DNAH7: variants seen among roughly 807,000 people sequenced by gnomAD.
DNAH7 encodes the protein axonemal beta dynein heavy chain 7.
In DNAH7, 397 loss-of-function variants were observed where a neutral mutation model predicts 444.6. The observed-to-expected ratio is 0.89, with a 90% CI of 0.82 to 0.97. The LOEUF (loss-of-function observed/expected upper bound fraction) is 0.97, where lower values mean the gene tolerates loss of function less well. Ranked by LOEUF, DNAH7 falls within the 50% of genes least tolerant of loss-of-function variation. The pLI is 0.00. For missense variants in DNAH7, 4,902 were observed against 4,800.8 expected (o/e 1.02, Z -0.62); for synonymous variants, 1,636 against 1,624.4 (o/e 1.01, Z -0.17).
chr2:195,764,788 T>G, intron 61 of DNAH7, among the ~76,000 whole-genome samples: 1 of 151,992 alleles, frequency 6.6e-6, no homozygotes, highest in East Asian at 1.9e-4. Context: ...AGAATCAATA[T>G]TGTTAAAATG....
intron 57 of DNAH7, among the ~76,000 whole-genome samples, chr2:195,789,557 C>G (rs528562343): frequency 6.6e-6 from 1 of 152,112 alleles, no homozygotes; most frequent in South Asian, 2.1e-4. Flanking sequence ...AAGTATCTCC[C>G]CCACAGACTG....
chr2:195,852,890 G>GTA (rs1559146153), intron 46 of DNAH7, among the ~76,000 whole-genome samples: 1 of 113,854 alleles, frequency 8.8e-6, no homozygotes, highest in Non-Finnish European at 1.7e-5. Context: ...AGCTGATGAA[G>GTA]TACACACACA....
intron 63 of DNAH7, among the ~76,000 whole-genome samples, chr2:195,747,944 T>C: frequency 6.6e-6 from 1 of 152,188 alleles, no homozygotes; most frequent in Non-Finnish European, 1.5e-5. Context: ...ATGCCCTCTC[T>C]CACCACTCGT....
At chr2:195,976,782 A>AGAGAGAGAGG (rs1271798254) in intron 15 of DNAH7, among the ~76,000 whole-genome samples, 2 of 146,600 alleles carry the variant, frequency 1.4e-5, no homozygotes, top group Non-Finnish European at 1.5e-5. Context: ...AGAGAGAGAG[A>AGAGAGAGAGG]GAGAGACTCT....
intron 17 of DNAH7, among the ~76,000 whole-genome samples, chr2:195,964,710 C>CAA (rs60376875): frequency 0.059 from 7,507 of 127,334 alleles, 283 homozygotes; most frequent in East Asian, 0.16. Context: ...ACTAAAAATA[C>CAA]AAAAAAAAAA....
At position 195,922,158 on chromosome 2, in the gene DNAH7, G is replaced by A. The variant is rs1278736038; in HGVS notation, c.3865C>T (p.Arg1289Ter). The change falls in exon 24 of 65, where the codon CGA becomes TGA. Residue 1289 changes from arginine (R) to a stop codon, truncating the protein, a stop_gained. Transcript: ENST00000312428. LOFTEE classifies it high-confidence loss of function. ...LETKMINAGL[R>*]YGYEYLGNSP... is the part of the protein sequence containing the mutation. ...TTACCCAGATATTCATATCCATATC[G>A]CAAACCAGCATTGATCATTTTTGTT... 5.0e-6 allele frequency: 8 copies of A among 1,612,578 alleles called. No individual in the cohort carries two copies. Among genetic ancestry groups the A allele is most frequent in the East Asian group, 2.2e-5 (1 of 44,826 alleles).
At chr2:195,759,052 C>T (rs1694218184) in intron 61 of DNAH7, among the ~76,000 whole-genome samples, 1 of 152,204 alleles carries the variant, frequency 6.6e-6, no homozygotes, top group South Asian at 2.1e-4. Context: ...AGTGAGACAC[C>T]TGCCAGGGTG....
At position 195,857,515 on chromosome 2, in the gene DNAH7, T is replaced by C. The variant is rs547666456; in HGVS notation, c.8276A>G (p.Asn2759Ser). ...LQSLHEYDKDNIPPAYMNIIR... is the reference protein window; with the variant it reads ...LQSLHEYDKDSIPPAYMNIIR... ...GATATTCATATAAGCTGGAGGAATA[T>C]TGTCCTTGTCATATTCATGAAGTGA... Residue 2759 changes from asparagine (N) to serine (S), a missense_variant, in exon 44 of 65, where the codon AAT becomes AGT. Transcript: ENST00000312428. The C allele has an allele frequency of 1.3e-4, 203 of 1,614,002 alleles. No homozygotes were observed. Among genetic ancestry groups the C allele is most frequent in the South Asian group, 4.7e-4 (43 of 91,054 alleles).
intron 5 of DNAH7, 38 bp downstream of exon 5, chr2:196,047,314 A>G: frequency 6.7e-7 from 1 of 1,486,490 alleles, no homozygotes; most frequent in Non-Finnish European, 9.0e-7. Flanking sequence ...AGGGGCTCTA[A>G]CATGGGTAAC....
intron 27 of DNAH7, chr2:195,902,198 C>A (rs192380547): frequency 6.6e-6 from 1 of 151,894 alleles, no homozygotes; most frequent in Non-Finnish European, 1.5e-5. Context: ...GAGAACAATT[C>A]GAAGATTTGT....
chr2:195,960,866 C>A lies in DNAH7; in HGVS notation c.2285G>T (p.Gly762Val). 1 of 1,613,968 alleles carries A rather than the reference C, an allele frequency of 6.2e-7. No individual in the cohort carries two copies. The highest frequency in any genetic ancestry group is 1.1e-5 in the South Asian group (1 of 91,054). ...ATAAAGACGAAGATAAGGGTTCAAG[C>A]CATCTTGGATTTTTTTACGTTGAGG... ...VYPQRKKIQD[G>V]LNPYLRLYET... The change falls in exon 18 of 65, where the codon GGC becomes GTC. Residue 762 changes from glycine to valine, a missense_variant. Gly to Val is a moderately radical substitution (Grantham distance 109, BLOSUM62 -3). Coordinates refer to ENST00000312428, the MANE Select transcript of DNAH7 (RefSeq NM_018897.3).
At chr2:195,889,002 CAG>C in intron 31 of DNAH7, 21 bp from the exon 32 acceptor site, 1 of 1,591,128 alleles carries the variant, frequency 6.3e-7, no homozygotes, top group South Asian at 1.2e-5. Context: ...CATATGTGAA[CAG>C]AGGGCAAAAA....
At chr2:195,932,425 T>C (rs1299870837) in intron 21 of DNAH7, among the ~76,000 whole-genome samples, 2 of 152,150 alleles carry the variant, frequency 1.3e-5, no homozygotes, top group Admixed American at 1.3e-4. Flanking sequence ...TATGCCTGAT[T>C]GCCCTGGCCA....
chr2:195,910,234 TGATTTTTTTTCCATTCACATGC>T lies in DNAH7; in HGVS notation c.3936-61_3936-40del, dbSNP rs147338806. 0.013 allele frequency: 19,758 copies of T among 1,467,038 alleles called. 1,690 individuals carry two copies. In the East Asian group the frequency reaches 0.25, roughly 19 times the overall value. 90.9% of individuals were successfully genotyped at this position (1,467,038 alleles called of 1,614,324 possible). ...AATAGACATTCTTTGTAGAATAATG[TGATTTTTTTTCCATTCACATGC>T]CAAGAAGAGAAAAAGGTTAAATTGA... On this transcript the variant is annotated intron_variant, in intron 24 of 64. Coordinates refer to ENST00000312428, the MANE Select transcript of DNAH7 (RefSeq NM_018897.3).
At chr2:196,004,450 C>T (rs2125697530) in intron 10 of DNAH7, among the ~76,000 whole-genome samples, 1 of 152,192 alleles carries the variant, frequency 6.6e-6, no homozygotes, top group South Asian at 2.1e-4. Context: ...AATCATTAAT[C>T]AATAACAGAA....
chr2:195,815,316 C>A (rs543488531), intron 51 of DNAH7, among the ~76,000 whole-genome samples: 1 of 152,092 alleles, frequency 6.6e-6, no homozygotes, highest in Admixed American at 6.6e-5. Context: ...TACCTACTCC[C>A]TCTCTTTCTC....
rs1695596461 is a variant in DNAH7 at position 195,785,922 on chromosome 2, C to CTAA, written c.10878+1087_10878+1088insTTA. Reference sequence around the variant, plus strand: ...CACTGTATCACTGCATTTTTGCTCCCTTATTAGTGTATTTTTTGGATAAAT... The same window carrying CTAA: ...CACTGTATCACTGCATTTTTGCTCCCTAATTATTAGTGTATTTTTTGGATAAAT... On this transcript the variant is annotated intron_variant, in intron 58 of 64. Coordinates refer to ENST00000312428, the MANE Select transcript of DNAH7 (RefSeq NM_018897.3). Among the ~76,000 whole-genome samples, 3 of 151,958 alleles carry CTAA rather than the reference C, an allele frequency of 2.0e-5. No homozygotes were observed. In the South Asian group the frequency reaches 6.2e-4, roughly 32 times the overall value.
At chr2:195,999,271 G>A (rs981855726) in intron 12 of DNAH7, 41 of 710,336 alleles carry the variant, frequency 5.8e-5, no homozygotes, top group Non-Finnish European at 8.9e-5. Context: ...AAAGATGGTT[G>A]CCTTAAGAAT....
chr2:195,766,171 T>TTTTTTTTTTTTTTTTTTTTTTTG (rs1694575183), intron 61 of DNAH7, among the ~76,000 whole-genome samples: 1 of 107,694 alleles, frequency 9.3e-6, no homozygotes, highest in Non-Finnish European at 2.1e-5. Context: ...GAGCTAATTT[T>TTTTTTTTTTTTTTTTTTTTTTTG]TTTTTTTTTT....
Sources: allele counts gnomAD v4.1 joint callset (sites outside exome capture counted in the v4.1 genomes callset), GRCh38; gene constraint gnomAD v4.1.1; transcripts MANE v1.5; gene names NCBI Gene and HGNC (gene_info 2026-07-23, HGNC 2026-07-21).